ERCC6L2: variants seen among roughly 807,000 people sequenced by gnomAD.
The protein encoded by ERCC6L2 is ERCC excision repair 6 like 2.
ERCC6L2 carries 77 observed loss-of-function variants against 132.0 expected under a neutral mutation model. That is an observed-to-expected ratio of 0.58 (90% confidence interval 0.49 to 0.71). The LOEUF (loss-of-function observed/expected upper bound fraction) is 0.71. Among genes scored for constraint, ERCC6L2 ranks in the 30% least tolerant of loss-of-function variants. The probability of loss-of-function intolerance (pLI) is 0.00; values close to 1 mark genes in which losing one functional copy is unlikely to be tolerated. For synonymous variants in ERCC6L2, 583 were observed against 632.4 expected, an observed-to-expected ratio of 0.92 and a Z score of 1.17; for missense variants, 1,542 against 1,837.6, an observed-to-expected ratio of 0.84 and a Z score of 2.94.
intron 17 of ERCC6L2, among the ~76,000 whole-genome samples, chr9:95,990,017 A>G (rs1248942632): frequency 1.3e-5 from 2 of 152,186 alleles, no homozygotes; most frequent in Non-Finnish European, 2.9e-5. Context: ...GACAACAGAG[A>G]GCAGTAAGGC....
intron 17 of ERCC6L2, among the ~76,000 whole-genome samples, chr9:95,995,546 G>A (rs1025708737): frequency 1.3e-5 from 2 of 152,068 alleles, no homozygotes; most frequent in African/African-American, 2.4e-5. Context: ...ATAATACATA[G>A]GCATTCCTTG....
Position 95,875,959 on chromosome 9 carries a change from C to A in ERCC6L2, c.-80C>A. The A allele has an allele frequency of 1.3e-6, 2 of 1,492,728 alleles. No individual in the cohort carries two copies. Among genetic ancestry groups the A allele is most frequent in the Middle Eastern group, 3.7e-4 (2 of 5,370 alleles). The allele number at this position is 1,492,728 out of a possible 1,614,324, so 92.5% of individuals were successfully genotyped here. On this transcript the variant is annotated 5_prime_UTR_variant, in exon 1 of 19. The change creates a new upstream start codon in the 5' untranslated region. Coordinates refer to ENST00000653738, the MANE Select transcript of ERCC6L2 (RefSeq NM_020207.7). ...GGAAGTGGCGTTGGCCGCCATTGGC[C>A]TGCCGGCCAGCCACCTTGCTGTCCT...
At chr9:95,951,864 C>A (rs10988769) in intron 12 of ERCC6L2, among the ~76,000 whole-genome samples, 1 of 151,954 alleles carries the variant, frequency 6.6e-6, no homozygotes, top group Non-Finnish European at 1.5e-5. Context: ...TTCTACCAAG[C>A]ATTTAAAGAA....
At position 95,953,574 on chromosome 9, in the gene ERCC6L2, CA is replaced by C. The variant is rs556745003; in HGVS notation, c.1848-2325del. Among the ~76,000 whole-genome samples the C allele has an allele frequency of 6.3e-3, 538 of 85,938 alleles. 3 individuals carry two copies. The highest frequency in any genetic ancestry group is 0.02 in the African/African-American group (479 of 24,204). 56.4% of individuals were successfully genotyped at this position (85,938 alleles called of 152,430 possible). The stretch of plus-strand genomic sequence containing the variant: ...TGGGAGACAGAGTGAGACTCTGTCT[CA>C]AAAAAAAAAAAAAACAATGAAATTA... On this transcript the variant is annotated intron_variant, in intron 12 of 18. Transcript: ENST00000653738.
chr9:95,941,499 A>T lies in ERCC6L2; in HGVS notation c.1797A>T (p.Val599=), dbSNP rs779174802. 6.2e-7 allele frequency: 1 copy of T among 1,611,846 alleles called. No homozygotes were observed. The change falls in exon 12 of 19, where the codon GTA becomes GTT. Residue 599 remains valine, a synonymous_variant. Transcript: ENST00000653738. ...GLNFVGANVV[V]LFDPTWNPAN... ...ATTTTGTCGGTGCCAATGTTGTTGT[A>T]TTATTTGATCCTACTTGGAATCCAG...
rs779636741 is a variant in ERCC6L2, at chr9:96,013,018, C to T, written c.4468C>T (p.Leu1490Phe). ...DILNEQNDES[L>F]SKLTDLAVIE... ...CTTGAATGAGCAGAATGATGAGAGT[C>T]TTAGTAAACTCACAGACTTGGCAGT... The change falls in exon 19 of 19, where the codon CTT (leucine) becomes TTT (phenylalanine). Residue 1490 changes from leucine (L) to phenylalanine (F), a missense_variant. Coordinates refer to ENST00000653738, the MANE Select transcript of ERCC6L2 (RefSeq NM_020207.7). 11 of 1,367,448 alleles carry T rather than the reference C, an allele frequency of 8.0e-6. No individual in the cohort carries two copies. Among genetic ancestry groups the T allele is most frequent in the Non-Finnish European group, 9.8e-6 (10 of 1,021,804 alleles). The allele number at this position is 1,367,448 out of a possible 1,614,324, so 84.7% of individuals were successfully genotyped here.
At chr9:95,917,110 G>C (rs1587901426) in intron 6 of ERCC6L2, among the ~76,000 whole-genome samples, 1 of 152,034 alleles carries the variant, frequency 6.6e-6, no homozygotes, top group Non-Finnish European at 1.5e-5. Flanking sequence ...GTATTCTTTG[G>C]TACCTTAATT....
chr9:95,959,249 T>G (rs1025808125), intron 13 of ERCC6L2, among the ~76,000 whole-genome samples: 6 of 149,834 alleles, frequency 4.0e-5, no homozygotes, highest in African/African-American at 1.5e-4. Flanking sequence ...ATCTGATCTT[T>G]GACAAACCTG....
chr9:96,031,729 C>G (rs947478863), intron 19 of ERCC6L2, among the ~76,000 whole-genome samples: 2 of 152,184 alleles, frequency 1.3e-5, no homozygotes, highest in Admixed American at 6.5e-5. Context: ...CCTGAGCCCT[C>G]GTCACTTCCC....
chr9:95,930,613 C>T (rs1587926573), intron 11 of ERCC6L2, among the ~76,000 whole-genome samples: 1 of 152,206 alleles, frequency 6.6e-6, no homozygotes, highest in South Asian at 2.1e-4. Context: ...GTTTTTTTCT[C>T]ACAGTGTTTG....
chr9:95,965,472 G>A (rs1196030089), intron 13 of ERCC6L2, among the ~76,000 whole-genome samples: 1 of 152,136 alleles, frequency 6.6e-6, no homozygotes, highest in Non-Finnish European at 1.5e-5. Context: ...ACTTATTACA[G>A]TGCAAATGAA....
intron 13 of ERCC6L2, among the ~76,000 whole-genome samples, chr9:95,958,595 T>A (rs1195054): frequency 6.6e-6 from 1 of 152,172 alleles, no homozygotes; most frequent in Non-Finnish European, 1.5e-5. Context: ...TTTGCATTTC[T>A]CTGATGGCCA....
In ERCC6L2 at chr9:95,922,315, A is replaced by G. The variant is rs1382966750; in HGVS notation, c.1310A>G (p.His437Arg). The G allele has an allele frequency of 6.2e-7, 1 of 1,605,230 alleles. No individual in the cohort carries two copies. Among genetic ancestry groups the G allele is most frequent in the Non-Finnish European group, 8.5e-7 (1 of 1,172,654 alleles). The change falls in exon 8 of 19, where the codon CAT becomes CGT. Residue 437 changes from histidine (H) to arginine (R), a missense_variant. His to Arg is a conservative substitution (Grantham distance 29). Transcript: ENST00000653738. ...TTTTTCTGGTTACAGACCAATTCTCATGGTGAAACAGTGAAAACCTTGTAT... is the reference window on the plus strand; with the variant it reads ...TTTTTCTGGTTACAGACCAATTCTCGTGGTGAAACAGTGAAAACCTTGTAT... ...RRNCCYKTNS[H>R]GETVKTLYLS...
chr9:95,917,359 G>T (rs617187), intron 6 of ERCC6L2, among the ~76,000 whole-genome samples: 40,069 of 151,978 alleles, frequency 0.26, 5,872 homozygotes, highest in East Asian at 0.4. Context: ...ATGGAATAAA[G>T]GTTCTGTAGA....
In ERCC6L2 at chr9:96,001,046, G is replaced by A. The variant is rs373146192; in HGVS notation, c.3493-3474G>A. Among the ~76,000 whole-genome samples, 684 of 152,036 alleles carry A rather than the reference G, an allele frequency of 4.5e-3. 12 individuals are homozygous for A. The highest frequency in any genetic ancestry group is 0.035 in the East Asian group (182 of 5,172). On this transcript the variant is annotated intron_variant, in intron 17 of 18. Coordinates refer to ENST00000653738, the MANE Select transcript of ERCC6L2 (RefSeq NM_020207.7). The stretch of plus-strand genomic sequence containing the variant: ...CTCAGGAGTGAAGCTGCAGACCTTC[G>A]CGGTGAGTGTTACAGCTCTTAAGGC...
intron 4 of ERCC6L2, among the ~76,000 whole-genome samples, chr9:95,915,206 T>A (rs555318722): frequency 2.0e-5 from 3 of 152,322 alleles, no homozygotes; most frequent in Non-Finnish European, 2.9e-5. Flanking sequence ...AAGAGACCAC[T>A]ATGGGTGCTC....
intron 2 of ERCC6L2, among the ~76,000 whole-genome samples, chr9:95,896,420 T>A (rs202167246): frequency 1.3e-5 from 1 of 79,644 alleles, no homozygotes; most frequent in Admixed American, 1.4e-4. Context: ...TTTTTTTTTT[T>A]GATTTTTTTT....
At chr9:96,019,743 A>G (rs1344472759), downstream of ERCC6L2, 1 of 152,222 alleles carries the variant, frequency 6.6e-6, no homozygotes, top group Non-Finnish European at 1.5e-5. Flanking sequence ...TAATTTATAA[A>G]GCAGTTTAAT....
intron 2 of ERCC6L2, among the ~76,000 whole-genome samples, chr9:95,882,158 A>G (rs1827630452): frequency 6.6e-6 from 1 of 152,202 alleles, no homozygotes; most frequent in African/African-American, 2.4e-5. Context: ...CTTGCTTCAT[A>G]AAAGGAGAGC....
Sources: gnomAD v4.1 joint callset for allele counts (sites outside exome capture counted in the v4.1 genomes callset) on GRCh38, gnomAD v4.1.1 for gene constraint, MANE v1.5 for transcripts, NCBI Gene and HGNC (gene_info 2026-07-23, HGNC 2026-07-21) for gene names.